The following SLC4A4 variants were observed in gnomAD, a reference collection of about 807,000 sequenced individuals.
SLC4A4 encodes electrogenic sodium bicarbonate cotransporter 1.
In SLC4A4, 27 loss-of-function variants were observed where a neutral mutation model predicts 111.5. That is an observed-to-expected ratio of 0.24 (90% CI 0.18 to 0.33). SLC4A4 has a LOEUF of 0.33. SLC4A4 is among the 10% of genes least tolerant of loss of function. The probability of loss-of-function intolerance (pLI) is 1.00; values close to 1 mark genes in which losing one functional copy is unlikely to be tolerated. For synonymous variants in SLC4A4, 443 were observed against 463.4 expected (o/e 0.96, Z 0.57); for missense variants, 909 against 1,315.5 (o/e 0.69, Z 4.78).
intron 7 of SLC4A4, among the ~76,000 whole-genome samples, chr4:71,438,077 C>A (rs1724331091): frequency 6.6e-6 from 1 of 152,176 alleles, no homozygotes; most frequent in Non-Finnish European, 1.5e-5. Context: ...CTCACAGAGA[C>A]CTGGCCCCTT....
At chr4:71,163,349 G>A (rs1744658010) in intron 2 of SLC4A4, among the ~76,000 whole-genome samples, 5 of 152,188 alleles carry the variant, frequency 3.3e-5, no homozygotes, top group Admixed American at 3.3e-4. Context: ...TCTGTACAAA[G>A]TAATAGACTG....
chr4:71,379,123 T>G (rs1717836839), intron 6 of SLC4A4, among the ~76,000 whole-genome samples: 1 of 152,198 alleles, frequency 6.6e-6, no homozygotes, highest in South Asian at 2.1e-4. Flanking sequence ...CTTTCACAAC[T>G]GCCAGAAGGA....
chr4:71,143,092 TC>T (rs1213707267), intron 2 of SLC4A4, among the ~76,000 whole-genome samples: 2 of 152,024 alleles, frequency 1.3e-5, no homozygotes, highest in African/African-American at 2.4e-5. Context: ...ACGCCATCTC[TC>T]CCCCATCCCC....
At chr4:71,242,584 A>C (rs538123465) in intron 2 of SLC4A4, among the ~76,000 whole-genome samples, 1 of 152,232 alleles carries the variant, frequency 6.6e-6, no homozygotes, top group African/African-American at 2.4e-5. Flanking sequence ...TGTACCTGGC[A>C]TTAGGAACAG....
At chr4:71,467,894 C>CTT (rs5859262) in intron 13 of SLC4A4, among the ~76,000 whole-genome samples, 144,799 of 151,982 alleles carry the variant, frequency 0.95, 69,385 homozygotes, top group East Asian at 1. Flanking sequence ...TTCCCATAGT[C>CTT]ATATTGTTAT....
chr4:71,394,119 G>C (rs1479457166), intron 6 of SLC4A4, among the ~76,000 whole-genome samples: 1 of 152,052 alleles, frequency 6.6e-6, no homozygotes, highest in Non-Finnish European at 1.5e-5. Context: ...ATTTCATGAC[G>C]AAGAATCCAA....
intron 1 of SLC4A4, among the ~76,000 whole-genome samples, chr4:71,073,087 GGTT>G (rs1417972977): frequency 2.2e-4 from 33 of 151,966 alleles, no homozygotes; most frequent in Admixed American, 2.2e-3. Flanking sequence ...TTTTTAAACT[GGTT>G]GTTGATTGTA....
intron 7 of SLC4A4, among the ~76,000 whole-genome samples, chr4:71,412,848 TG>T (rs1168247086): frequency 6.6e-6 from 1 of 152,118 alleles, no homozygotes; most frequent in Non-Finnish European, 1.5e-5. Context: ...GTTCACTGGG[TG>T]GGGTATTATA....
intron 6 of SLC4A4, among the ~76,000 whole-genome samples, chr4:71,388,788 T>A (rs1233895058): frequency 6.6e-6 from 1 of 152,154 alleles, no homozygotes; most frequent in Non-Finnish European, 1.5e-5. Flanking sequence ...TAGATTCAAG[T>A]GATTCTCCTG....
chr4:71,331,043 A>G (rs1404561045), intron 3 of SLC4A4, among the ~76,000 whole-genome samples: 1 of 152,146 alleles, frequency 6.6e-6, no homozygotes. Context: ...ACCATCTCAC[A>G]CCAGTTAGAA....
chr4:71,312,066 A>C (rs745951788), intron 3 of SLC4A4, among the ~76,000 whole-genome samples: 1 of 152,156 alleles, frequency 6.6e-6, no homozygotes, highest in African/African-American at 2.4e-5. Flanking sequence ...TCAAATAGAC[A>C]CAATAAAAAT....
chr4:71,391,965 T>G (rs994822168), intron 6 of SLC4A4, among the ~76,000 whole-genome samples: 1 of 152,054 alleles, frequency 6.6e-6, no homozygotes. Context: ...CAGTATAATG[T>G]GTTTACATTA....
chr4:71,253,950 A>G (rs778570630), intron 2 of SLC4A4, among the ~76,000 whole-genome samples: 7 of 152,184 alleles, frequency 4.6e-5, no homozygotes, highest in Non-Finnish European at 8.8e-5. Flanking sequence ...GAAGGAGCAT[A>G]TAATTCTTTG....
At chr4:71,547,559 G>C (rs1560609622) in intron 19 of SLC4A4, 89 bp from the exon 20 acceptor site, 1 of 1,019,444 alleles carries the variant, frequency 9.8e-7, no homozygotes, top group East Asian at 2.4e-5. Context: ...CATTGATTTT[G>C]TCAATGTGTA....
At chr4:71,141,433 C>G (rs995820369) in intron 2 of SLC4A4, among the ~76,000 whole-genome samples, 1 of 152,182 alleles carries the variant, frequency 6.6e-6, no homozygotes, top group Non-Finnish European at 1.5e-5. Flanking sequence ...GCTACACTGT[C>G]TCAAACATTT....
chr4:71,449,363 A>C (rs1725551405), intron 9 of SLC4A4, among the ~76,000 whole-genome samples: 1 of 152,164 alleles, frequency 6.6e-6, no homozygotes, highest in Non-Finnish European at 1.5e-5. Flanking sequence ...GGAATTGTTC[A>C]TCTTTATCTG....
chr4:71,286,729 T>C (rs1280734543), intron 3 of SLC4A4, among the ~76,000 whole-genome samples: 1 of 152,228 alleles, frequency 6.6e-6, no homozygotes, highest in Non-Finnish European at 1.5e-5. Flanking sequence ...TTCCAGTTTA[T>C]GAATGAGAAA....
chr4:71,086,887 C>CTTTTTTTGTTG (rs1560711571), intron 1 of SLC4A4, among the ~76,000 whole-genome samples: 1 of 151,974 alleles, frequency 6.6e-6, no homozygotes, highest in Non-Finnish European at 1.5e-5. Flanking sequence ...GTGTCTCTGC[C>CTTTTTTTGTTG]AGGCTTTGGT....
chr4:71,504,755 C>T (rs1731249164), intron 16 of SLC4A4, among the ~76,000 whole-genome samples: 1 of 151,142 alleles, frequency 6.6e-6, no homozygotes, highest in Non-Finnish European at 1.5e-5. Context: ...GGTACATATA[C>T]AGGATGTGCA....
Sources: allele counts gnomAD v4.1 joint callset (sites outside exome capture counted in the v4.1 genomes callset), GRCh38; gene constraint gnomAD v4.1.1; transcripts MANE v1.5; gene names NCBI Gene and HGNC (gene_info 2026-07-23, HGNC 2026-07-21).